Variants in PRMT8 observed in about 807,000 individuals in gnomAD.
The protein encoded by PRMT8 is protein arginine N-methyltransferase 8.
Under a neutral mutation model 47.1 loss-of-function variants are expected in PRMT8, and 7 were observed. The ratio of observed to expected loss-of-function variants is 0.15; its 90% confidence interval spans 0.08 to 0.28. The LOEUF (loss-of-function observed/expected upper bound fraction) is 0.28. PRMT8 is among the 10% of genes least tolerant of loss of function. The pLI, the probability that PRMT8 is intolerant of heterozygous loss-of-function variation, is 1.00. For missense variants in PRMT8, 237 were observed against 505.4 expected, an observed-to-expected ratio of 0.47 and a Z score of 5.09; for synonymous variants, 188 against 186.5, an observed-to-expected ratio of 1.01 and a Z score of -0.07.
At chr12:3,427,178 G>A (rs1196647824) in intron 1 of PRMT8, among the ~76,000 whole-genome samples, 1 of 152,066 alleles carries the variant, frequency 6.6e-6, no homozygotes, top group African/African-American at 2.4e-5. Context: ...TTTTATACCA[G>A]ATAAGCTGAA....
At chr12:3,551,057 C>G (rs1341600746) in intron 3 of PRMT8, 1 of 152,210 alleles carries the variant, frequency 6.6e-6, no homozygotes, top group Non-Finnish European at 1.5e-5. Context: ...GTTGGGCCAT[C>G]CCATAGCCAG....
In PRMT8 at chr12:3,514,403, C is replaced by T. The variant is rs947000810; in HGVS notation, c.75+22703C>T. Among the ~76,000 whole-genome samples the T allele has an allele frequency of 6.6e-5, 10 of 152,024 alleles. No homozygotes were observed. Among genetic ancestry groups the T allele is most frequent in the African/African-American group, 2.2e-4 (9 of 41,382 alleles). On this transcript the variant is annotated intron_variant, in intron 1 of 9. Transcript: ENST00000382622. This position sits in a 1 kb window ranked among gnomAD's most constrained non-coding sequence, Gnocchi z 5.9. ...TTGCTGTTGGGGTGTGGCTGGCATT[C>T]GGGCTGCAAGACGTGGTTTAGAGAG...
intron 4 of PRMT8, among the ~76,000 whole-genome samples, chr12:3,565,338 G>C (rs1010659779): frequency 6.6e-6 from 1 of 152,116 alleles, no homozygotes; most frequent in African/African-American, 2.4e-5. Context: ...GAACAAGAGC[G>C]TAAGTTGCTG....
chr12:3,570,957 T>C lies in PRMT8; in HGVS notation c.712+1393T>C, dbSNP rs1375609393. 6.6e-6 allele frequency among the ~76,000 whole-genome samples: 1 copy of C among 152,154 alleles called. No homozygotes were observed. Among genetic ancestry groups the C allele is most frequent in the East Asian group, 1.9e-4 (1 of 5,184 alleles). On this transcript the variant is annotated intron_variant, in intron 6 of 9. Transcript: ENST00000382622. The surrounding 1 kb of genome is among the most constrained non-coding windows in gnomAD (Gnocchi z 5.5). Reference sequence around the variant, plus strand: ...TGCTTTGCACACTGCCAGCCCTGGGTTTAAATCTTGGCTTTGCCATGTCCT... The same window carrying C: ...TGCTTTGCACACTGCCAGCCCTGGGCTTAAATCTTGGCTTTGCCATGTCCT...
At chr12:3,512,020 G>C (rs1316572921) in intron 1 of PRMT8, among the ~76,000 whole-genome samples, 1 of 152,092 alleles carries the variant, frequency 6.6e-6, no homozygotes, top group African/African-American at 2.4e-5. Context: ...GGAGTGTGGG[G>C]GGCAGTGGGA....
intron 7 of PRMT8, among the ~76,000 whole-genome samples, chr12:3,581,213 A>C (rs958398175): frequency 2.0e-5 from 3 of 152,240 alleles, no homozygotes; most frequent in African/African-American, 7.2e-5. Context: ...GAGAAAGGCC[A>C]GGGTGATGAG....
At chr12:3,487,559 G>T (rs557266292), upstream of PRMT8, among the ~76,000 whole-genome samples, 1 of 152,190 alleles carries the variant, frequency 6.6e-6, no homozygotes, top group Admixed American at 6.5e-5. Context: ...ACCTTCTGGC[G>T]TTTGTGGGGC....
In PRMT8 at chr12:3,436,446, A is replaced by T. The variant is rs1020305747; in HGVS notation, c.48+55004A>T. 1.1e-4 allele frequency among the ~76,000 whole-genome samples: 16 copies of T among 152,128 alleles called. No homozygotes were observed. The highest frequency in any genetic ancestry group is 2.1e-4 in the South Asian group (1 of 4,822). Reference sequence around the variant, plus strand: ...GCTACTGTGATAAAATTCTGGTTTTATCCCTCAGAACCCAGGTAGCTGCTT... The same window carrying T: ...GCTACTGTGATAAAATTCTGGTTTTTTCCCTCAGAACCCAGGTAGCTGCTT... On this transcript the variant is annotated intron_variant, in intron 1 of 9. Transcript: ENST00000452611. This position sits in a 1 kb window ranked among gnomAD's most constrained non-coding sequence, Gnocchi z 4.2.
chr12:3,575,880 A>G (rs993022784), intron 6 of PRMT8, among the ~76,000 whole-genome samples: 5 of 152,114 alleles, frequency 3.3e-5, no homozygotes, highest in Non-Finnish European at 7.4e-5. Flanking sequence ...TTAACCCGGC[A>G]TGGTGGCGGG....
rs1212575488 is a variant in PRMT8 at position 3,453,243 on chromosome 12, C to T, written c.48+71801C>T. 6.6e-6 allele frequency among the ~76,000 whole-genome samples: 1 copy of T among 152,138 alleles called. No individual in the cohort carries two copies. Among genetic ancestry groups the T allele is most frequent in the East Asian group, 1.9e-4 (1 of 5,178 alleles). ...AGCCACGGTTCCTTCCCTCCCCACG[C>T]CCCTCGCTCACTCTAGTCCTGGCTC... On this transcript the variant is annotated intron_variant, in intron 1 of 9. Coordinates refer to the PRMT8 transcript ENST00000452611. The surrounding 1 kb of genome is among the most constrained non-coding windows in gnomAD (Gnocchi z 4.9).
rs796579107 is a variant in PRMT8 at position 3,527,890 on chromosome 12, T to G, written c.76-12716T>G. 2.0e-5 allele frequency among the ~76,000 whole-genome samples: 3 copies of G among 152,196 alleles called. No individual in the cohort carries two copies. In the South Asian group the frequency reaches 6.2e-4, roughly 31 times the overall value. ...AAAGACTTTACTTTACCGTCATTTC[T>G]GAAAGATATTTTCACTGGGTATAGA... On this transcript the variant is annotated intron_variant, in intron 1 of 9. Coordinates refer to ENST00000382622, the MANE Select transcript of PRMT8 (RefSeq NM_019854.5).
intron 1 of PRMT8, among the ~76,000 whole-genome samples, chr12:3,539,281 A>G (rs1591592254): frequency 6.6e-6 from 1 of 152,312 alleles, no homozygotes; most frequent in South Asian, 2.1e-4. Flanking sequence ...TTTGTGTTCT[A>G]TAGAGGAGGA....
chr12:3,471,283 C>T (rs1245913323), intron 1 of PRMT8, among the ~76,000 whole-genome samples: 1 of 152,036 alleles, frequency 6.6e-6, no homozygotes, highest in African/African-American at 2.4e-5. Flanking sequence ...GCTTGCTCTG[C>T]TCCCAGCTCT....
At chr12:3,549,657 G>A (rs1051836084) in intron 2 of PRMT8, among the ~76,000 whole-genome samples, 1 of 152,078 alleles carries the variant, frequency 6.6e-6, no homozygotes, top group Non-Finnish European at 1.5e-5. Context: ...CTTTCCTTTG[G>A]TCCTTTAGTA....
chr12:3,587,484 T>C (rs1306898041), intron 8 of PRMT8, among the ~76,000 whole-genome samples: 1 of 152,154 alleles, frequency 6.6e-6, no homozygotes. Flanking sequence ...AATGCATATT[T>C]GCATTAATTT....
At chr12:3,490,721 A>AGAGAG (rs1565420884), upstream of PRMT8, among the ~76,000 whole-genome samples, 2 of 96,566 alleles carry the variant, frequency 2.1e-5, no homozygotes, top group African/African-American at 3.4e-5. Context: ...GAGAGAGAGA[A>AGAGAG]AAGGATAAAG....
chr12:3,586,948 T>A (rs1321873530), intron 8 of PRMT8, among the ~76,000 whole-genome samples: 1 of 152,218 alleles, frequency 6.6e-6, no homozygotes, highest in Non-Finnish European at 1.5e-5. Flanking sequence ...CACCTTCGCG[T>A]GTCAGCGTGG....
At chr12:3,450,072 T>C (rs1332360432) in intron 1 of PRMT8, among the ~76,000 whole-genome samples, 1 of 152,226 alleles carries the variant, frequency 6.6e-6, no homozygotes. Context: ...TTGTTTTGGT[T>C]GAGGTGGATG....
intron 1 of PRMT8, among the ~76,000 whole-genome samples, 171 bp from the exon 2 acceptor site, chr12:3,540,435 A>T (rs959584194): frequency 6.6e-6 from 1 of 152,170 alleles, no homozygotes; most frequent in African/African-American, 2.4e-5. Flanking sequence ...GATCACAGCC[A>T]TGAGCCCAAC....
Sources: gnomAD v4.1 joint callset for allele counts (sites outside exome capture counted in the v4.1 genomes callset) on GRCh38, gnomAD v4.1.1 for gene constraint, Gnocchi (gnomAD v3.1) non-coding constraint, MANE v1.5 for transcripts, NCBI Gene and HGNC (gene_info 2026-07-23, HGNC 2026-07-21) for gene names.